The following USP25 variants were observed in gnomAD, a reference collection of about 807,000 sequenced individuals.
USP25 encodes the protein ubiquitin specific peptidase 25, also known as ubiquitin carboxyl-terminal hydrolase 25.
In USP25, 85 loss-of-function variants were observed where a neutral mutation model predicts 158.5. The ratio of observed to expected loss-of-function variants is 0.54; its 90% CI spans 0.45 to 0.64. The LOEUF is 0.64. Among genes scored for constraint, USP25 ranks in the 30% least tolerant of loss-of-function variants. The pLI is 0.00. For missense variants in USP25, 1,242 were observed against 1,327.3 expected, an observed-to-expected ratio of 0.94 and a Z score of 1.00; for synonymous variants, 464 against 460.4, an observed-to-expected ratio of 1.01 and a Z score of -0.10.
intron 1 of USP25, among the ~76,000 whole-genome samples, chr21:15,743,416 C>T (rs2032244476): frequency 6.6e-6 from 1 of 152,086 alleles, no homozygotes; most frequent in African/African-American, 2.4e-5. Flanking sequence ...TGTTATTGAG[C>T]AACAGAAAAG....
intron 1 of USP25, among the ~76,000 whole-genome samples, chr21:15,744,521 C>T (rs970095319): frequency 1.3e-5 from 2 of 151,842 alleles, no homozygotes; most frequent in Non-Finnish European, 2.9e-5. Flanking sequence ...GCCATGTTGG[C>T]CAGGCTGGTC....
intron 3 of USP25, among the ~76,000 whole-genome samples, chr21:15,775,013 G>A (rs2034556854): frequency 6.6e-6 from 1 of 152,120 alleles, no homozygotes; most frequent in Non-Finnish European, 1.5e-5. Context: ...AGGATCAATG[G>A]ACCATATTTG....
intron 10 of USP25, among the ~76,000 whole-genome samples, chr21:15,821,551 A>G (rs2037237143): frequency 2.6e-5 from 4 of 151,984 alleles, no homozygotes; most frequent in African/African-American, 7.2e-5. Flanking sequence ...CAAAGCTTTA[A>G]AAACAAAATT....
intron 4 of USP25, among the ~76,000 whole-genome samples, chr21:15,787,909 C>CG (rs2035380837): frequency 6.8e-6 from 1 of 146,394 alleles, no homozygotes; most frequent in Non-Finnish European, 1.5e-5. Context: ...CTCACCCCCC[C>CG]CCCAAGTAAA....
At chr21:15,742,933 A>G (rs2032196110) in intron 1 of USP25, among the ~76,000 whole-genome samples, 1 of 152,144 alleles carries the variant, frequency 6.6e-6, no homozygotes, top group South Asian at 2.1e-4. Flanking sequence ...GCTGGACTCC[A>G]GCATTCAGAT....
intron 9 of USP25, among the ~76,000 whole-genome samples, chr21:15,817,672 G>A (rs907208400): frequency 2.0e-5 from 3 of 152,142 alleles, no homozygotes; most frequent in Non-Finnish European, 4.4e-5. Flanking sequence ...GTCTCACTTG[G>A]TGGCAGACAA....
chr21:15,733,545 A>G (rs560216585), intron 1 of USP25, among the ~76,000 whole-genome samples: 1 of 152,064 alleles, frequency 6.6e-6, no homozygotes, highest in African/African-American at 2.4e-5. Flanking sequence ...CAGCCTGGGC[A>G]ACAAAATGAC....
At chr21:15,735,296 A>T (rs1002241926) in intron 1 of USP25, among the ~76,000 whole-genome samples, 1 of 152,192 alleles carries the variant, frequency 6.6e-6, no homozygotes, top group East Asian at 1.9e-4. Flanking sequence ...ATATTCTGGA[A>T]AAAAAAAGCA....
intron 1 of USP25, among the ~76,000 whole-genome samples, chr21:15,741,874 G>T (rs1198014545): frequency 6.6e-6 from 1 of 152,070 alleles, no homozygotes; most frequent in Non-Finnish European, 1.5e-5. Context: ...TGAAAAATGG[G>T]AACTCATTTC....
intron 9 of USP25, among the ~76,000 whole-genome samples, chr21:15,815,679 G>A (rs1203087403): frequency 2.0e-5 from 3 of 152,160 alleles, no homozygotes; most frequent in Non-Finnish European, 4.4e-5. Flanking sequence ...ATGTGGAATG[G>A]CTGTATTTAC....
At chr21:15,804,295 A>T (rs2036269743) in intron 6 of USP25, among the ~76,000 whole-genome samples, 1 of 151,678 alleles carries the variant, frequency 6.6e-6, no homozygotes. Context: ...AGTCTTATTG[A>T]GAAACAAAAG....
chr21:15,819,801 T>G (rs925542291), intron 10 of USP25, among the ~76,000 whole-genome samples: 1 of 152,118 alleles, frequency 6.6e-6, no homozygotes, highest in East Asian at 1.9e-4. Flanking sequence ...TAATTTTTTT[T>G]TCTTAAAGAT....
intron 21 of USP25, 112 bp downstream of exon 21, chr21:15,864,558 T>TAA: frequency 4.1e-6 from 4 of 987,180 alleles, no homozygotes; most frequent in Non-Finnish European, 5.7e-6. Flanking sequence ...GCACATATTT[T>TAA]AATAAATACG....
chr21:15,753,304 A>G (rs1476342559), intron 1 of USP25, among the ~76,000 whole-genome samples: 1 of 152,210 alleles, frequency 6.6e-6, no homozygotes, highest in African/African-American at 2.4e-5. Context: ...AGGGTCTGTC[A>G]GGAGCTGGCT....
intron 7 of USP25, among the ~76,000 whole-genome samples, chr21:15,807,709 A>G (rs1181475285): frequency 1.3e-5 from 2 of 152,190 alleles, no homozygotes; most frequent in African/African-American, 4.8e-5. Context: ...TCTTACAAGA[A>G]CACTCACCAT....
chr21:15,781,900 C>G (rs1018917706), intron 4 of USP25, among the ~76,000 whole-genome samples: 1 of 152,172 alleles, frequency 6.6e-6, no homozygotes, highest in Admixed American at 6.5e-5. Flanking sequence ...CCCTGCACCC[C>G]TGCAATCCAA....
intron 4 of USP25, among the ~76,000 whole-genome samples, chr21:15,789,629 A>T (rs1312231457): frequency 6.6e-6 from 1 of 151,874 alleles, no homozygotes; most frequent in African/African-American, 2.4e-5. Context: ...ATTGCTGGGT[A>T]CCTCTTCTAT....
At chr21:15,733,592 G>C (rs2123147501) in intron 1 of USP25, among the ~76,000 whole-genome samples, 1 of 152,222 alleles carries the variant, frequency 6.6e-6, no homozygotes, top group East Asian at 1.9e-4. Context: ...TGTAATCCCA[G>C]TACTTTGGGA....
rs367813198 is a variant in USP25 at position 15,845,876 on chromosome 21, G to A, written c.2338-1787G>A. ...GACCAAGCACATCTCTGTAGAATGT[G>A]TGTGATAGTAGTATTAGGTTAAAAT... On this transcript the variant is annotated intron_variant, in intron 18 of 25. Transcript: ENST00000400183. Among the ~76,000 whole-genome samples the A allele has an allele frequency of 3.3e-5, 5 of 151,988 alleles. No individual in the cohort carries two copies. In the South Asian group the frequency reaches 6.2e-4, roughly 19 times the overall value.
Sources: allele counts gnomAD v4.1 joint callset (sites outside exome capture counted in the v4.1 genomes callset), GRCh38; gene constraint gnomAD v4.1.1; transcripts MANE v1.5; gene names NCBI Gene and HGNC (gene_info 2026-07-23, HGNC 2026-07-21).